CDH12: variants seen among roughly 807,000 people sequenced by gnomAD.
CDH12 encodes cadherin 12.
In CDH12, 41 loss-of-function variants were observed where a neutral mutation model predicts 74.1. The observed-to-expected ratio is 0.55, with a 90% CI of 0.43 to 0.72. CDH12 has a LOEUF of 0.72. CDH12 is among the 30% of genes least tolerant of loss of function. The pLI, the probability that CDH12 is intolerant of heterozygous loss-of-function variation, is 0.00. For missense variants in CDH12, 945 were observed against 977.2 expected (o/e 0.97, Z 0.44); for synonymous variants, 399 against 355.0 (o/e 1.12, Z -1.39).
chr5:22,244,367 C>T lies in CDH12; in HGVS notation c.-332-31724G>A, dbSNP rs563793537. On this transcript the variant is annotated intron_variant, in intron 3 of 14. Transcript: ENST00000382254. ...TAGCCTAGCTGGGTGTGGTGGTGTGCACCTGTAGTCCCAGCTACTAGGGAG... is the reference window on the plus strand; with the variant it reads ...TAGCCTAGCTGGGTGTGGTGGTGTGTACCTGTAGTCCCAGCTACTAGGGAG... 1.0e-3 allele frequency among the ~76,000 whole-genome samples: 155 copies of T among 151,260 alleles called. 1 individual carries two copies. The highest frequency in any genetic ancestry group is 3.3e-3 in the African/African-American group (138 of 41,228).
chr5:22,311,145 T>C (rs1191283128), intron 3 of CDH12, among the ~76,000 whole-genome samples: 1 of 152,206 alleles, frequency 6.6e-6, no homozygotes, highest in African/African-American at 2.4e-5. Flanking sequence ...GAGGTAACTT[T>C]CACGCAAGTA....
At chr5:22,083,994 T>TCCA (rs540220906) in intron 4 of CDH12, among the ~76,000 whole-genome samples, 193 of 152,238 alleles carry the variant, frequency 1.3e-3, no homozygotes, top group African/African-American at 4.5e-3. Flanking sequence ...TCCTCTGAAG[T>TCCA]CCAGAGATCC....
intron 4 of CDH12, among the ~76,000 whole-genome samples, chr5:22,098,682 G>A (rs569995007): frequency 3.8e-4 from 58 of 152,100 alleles, no homozygotes; most frequent in African/African-American, 1.4e-3. Context: ...TTCCTGGCCC[G>A]GACTTCAATC....
chr5:22,543,759 T>A, intron 1 of CDH12, among the ~76,000 whole-genome samples: 1 of 152,192 alleles, frequency 6.6e-6, no homozygotes, highest in East Asian at 1.9e-4. Flanking sequence ...ATTTCTAAAG[T>A]AAGCTAGAGT....
intron 1 of CDH12, among the ~76,000 whole-genome samples, chr5:22,695,287 T>C (rs1162762804): frequency 1.3e-5 from 2 of 152,204 alleles, no homozygotes. Flanking sequence ...CTATTGTAAA[T>C]AGTGCTACAA....
intron 1 of CDH12, among the ~76,000 whole-genome samples, chr5:22,740,831 A>T (rs1744992816): frequency 6.6e-6 from 1 of 152,148 alleles, no homozygotes; most frequent in African/African-American, 2.4e-5. Context: ...AGAACTGAAT[A>T]AAAACTTAAA....
intron 1 of CDH12, among the ~76,000 whole-genome samples, chr5:22,592,678 C>T (rs542033966): frequency 6.8e-6 from 1 of 147,540 alleles, no homozygotes; most frequent in Non-Finnish European, 1.5e-5. Context: ...TCTCCCCCTC[C>T]ACCCCCCACC....
At chr5:22,332,648 G>A (rs181532669) in intron 3 of CDH12, among the ~76,000 whole-genome samples, 86 of 152,164 alleles carry the variant, frequency 5.7e-4, no homozygotes, top group Non-Finnish European at 1.0e-3. Flanking sequence ...ATCAAAAAGT[G>A]GGCAAAGGAT....
rs746774390 is a variant in CDH12 at position 21,751,709 on chromosome 5, C to T, written c.*28G>A. The T allele has an allele frequency of 1.9e-6, 3 of 1,563,806 alleles. No homozygotes were observed. Among genetic ancestry groups the T allele is most frequent in the South Asian group, 1.2e-5 (1 of 83,828 alleles). On this transcript the variant is annotated 3_prime_UTR_variant, in exon 15 of 15. Coordinates refer to ENST00000382254, the MANE Select transcript of CDH12 (RefSeq NM_004061.5). ...TTTCTTTTTTAAAAATCTCCCCTCTCGGTTGTATTTTAGCCTCCACGACTC... is the reference window on the plus strand; with the variant it reads ...TTTCTTTTTTAAAAATCTCCCCTCTTGGTTGTATTTTAGCCTCCACGACTC...
chr5:22,117,443 T>C (rs1561128438), intron 4 of CDH12, among the ~76,000 whole-genome samples: 1 of 92,932 alleles, frequency 1.1e-5, no homozygotes, highest in African/African-American at 4.7e-5. Context: ...AAATTATATA[T>C]ATATAATATA....
chr5:22,359,749 T>C (rs1363455616), intron 3 of CDH12, among the ~76,000 whole-genome samples: 1 of 152,024 alleles, frequency 6.6e-6, no homozygotes, highest in Non-Finnish European at 1.5e-5. Flanking sequence ...CACAGTGCAA[T>C]CAAACTAGAA....
At chr5:22,775,950 T>G (rs529490569) in intron 1 of CDH12, among the ~76,000 whole-genome samples, 6 of 152,076 alleles carry the variant, frequency 3.9e-5, no homozygotes, top group Non-Finnish European at 8.8e-5. Context: ...TATCAGGGGT[T>G]TCCACTTTTG....
intron 6 of CDH12, among the ~76,000 whole-genome samples, chr5:21,915,011 G>A (rs921567474): frequency 7.2e-5 from 11 of 152,322 alleles, no homozygotes; most frequent in African/African-American, 2.6e-4. Flanking sequence ...GCTGGGCTAG[G>A]ATTAGCCAGT....
At chr5:21,777,165 AG>A (rs1745636193) in intron 11 of CDH12, among the ~76,000 whole-genome samples, 2 of 152,142 alleles carry the variant, frequency 1.3e-5, no homozygotes, top group African/African-American at 4.8e-5. Flanking sequence ...TCAATGTACA[AG>A]GGAAATTATC....
At chr5:22,476,311 T>C in intron 2 of CDH12, among the ~76,000 whole-genome samples, 1 of 152,226 alleles carries the variant, frequency 6.6e-6, no homozygotes, top group African/African-American at 2.4e-5. Context: ...TTAAGATAAG[T>C]TAAGGAATTA....
rs1220936311 is a variant in CDH12, at chr5:22,751,337, TAC to T, written c.-523+101719_-523+101720del. Among the ~76,000 whole-genome samples the T allele has an allele frequency of 1.0e-4, 6 of 59,318 alleles. No individual in the cohort carries two copies. In the East Asian group the frequency reaches 1.6e-3, roughly 16 times the overall value. The allele number at this position is 59,318 out of a possible 152,430, so 38.9% of individuals were successfully genotyped here. The stretch of plus-strand genomic sequence containing the variant: ...TAAACTGTGATATATATATATAATA[TAC>T]ATATATATATATATATATAATATCT... On this transcript the variant is annotated intron_variant, in intron 1 of 14. Coordinates refer to ENST00000382254, the MANE Select transcript of CDH12 (RefSeq NM_004061.5).
intron 4 of CDH12, among the ~76,000 whole-genome samples, chr5:22,206,319 T>C (rs1751215148): frequency 6.6e-6 from 1 of 152,168 alleles, no homozygotes; most frequent in African/African-American, 2.4e-5. Flanking sequence ...TGCGTGCCTG[T>C]TCTTAAGGTT....
intron 1 of CDH12, among the ~76,000 whole-genome samples, chr5:22,645,926 A>G (rs190857367): frequency 7.1e-4 from 108 of 152,090 alleles, no homozygotes; most frequent in Non-Finnish European, 2.8e-4. Flanking sequence ...AAATTACAGT[A>G]TAATATAAAC....
intron 2 of CDH12, among the ~76,000 whole-genome samples, chr5:22,438,533 T>C (rs979107210): frequency 6.6e-5 from 10 of 152,182 alleles, no homozygotes; most frequent in African/African-American, 2.4e-4. Context: ...CACTGTCTAA[T>C]ATGGTACCAT....
Sources: allele counts gnomAD v4.1 joint callset (sites outside exome capture counted in the v4.1 genomes callset), GRCh38; gene constraint gnomAD v4.1.1; transcripts MANE v1.5; gene names NCBI Gene and HGNC (gene_info 2026-07-23, HGNC 2026-07-21).